PHC3: variants seen among roughly 807,000 people sequenced by gnomAD.
PHC3 encodes the protein polyhomeotic-like protein 3.
In PHC3, 13 loss-of-function variants were observed where a neutral mutation model predicts 107.4. The observed-to-expected ratio is 0.12, with a 90% CI of 0.08 to 0.19. The LOEUF (loss-of-function observed/expected upper bound fraction) is 0.19. PHC3 is among the 10% of genes least tolerant of loss of function. The pLI, the probability that PHC3 is intolerant of heterozygous loss-of-function variation, is 1.00. For missense variants in PHC3, 992 were observed against 1,210.9 expected (o/e 0.82, Z 2.68); for synonymous variants, 456 against 427.4 (o/e 1.07, Z -0.83).
intron 10 of PHC3, among the ~76,000 whole-genome samples, chr3:170,113,980 T>G (rs979707390): frequency 6.6e-6 from 1 of 152,160 alleles, no homozygotes; most frequent in African/African-American, 2.4e-5. Context: ...TCTCTCAAGT[T>G]CTTTGTGGAG....
At chr3:170,126,377 C>A (rs1721233302) in intron 8 of PHC3, among the ~76,000 whole-genome samples, 1 of 151,430 alleles carries the variant, frequency 6.6e-6, no homozygotes. Context: ...AGCATTATAA[C>A]CATATCAGTG....
intron 2 of PHC3, among the ~76,000 whole-genome samples, chr3:170,178,114 C>CG (rs1730789042): frequency 1.3e-5 from 2 of 152,074 alleles, no homozygotes; most frequent in Admixed American, 6.5e-5. Flanking sequence ...ATAAGGACTC[C>CG]GCCCACATGA....
rs1714502713 is a variant in PHC3, at chr3:170,095,217, T to C, written c.*2013A>G. On this transcript the variant is annotated 3_prime_UTR_variant, in exon 15 of 15. Coordinates refer to ENST00000495893, the MANE Select transcript of PHC3 (RefSeq NM_024947.4). Reference sequence around the variant, plus strand: ...TAATAAATGAAAACTCATTATAGAGTACCTAGCTTTCCTTGATACTTTAAT... The same window carrying C: ...TAATAAATGAAAACTCATTATAGAGCACCTAGCTTTCCTTGATACTTTAAT... The C allele has an allele frequency of 3.3e-5, 5 of 152,202 alleles. No individual in the cohort carries two copies. In the South Asian group the frequency reaches 8.3e-4, roughly 25 times the overall value. The allele number at this position is 152,202 out of a possible 1,614,324, so 9.4% of individuals were successfully genotyped here.
intron 6 of PHC3, among the ~76,000 whole-genome samples, chr3:170,140,161 T>C (rs938516517): frequency 1.3e-5 from 2 of 150,382 alleles, no homozygotes; most frequent in African/African-American, 4.9e-5. Context: ...GGTTGTTTTT[T>C]TCCTCAATTC....
At chr3:170,161,316 A>G (rs983775884) in intron 4 of PHC3, among the ~76,000 whole-genome samples, 2 of 152,200 alleles carry the variant, frequency 1.3e-5, no homozygotes, top group Non-Finnish European at 2.9e-5. Flanking sequence ...CAGTCTATGG[A>G]GGCTGCCATA....
rs201167716 is a variant in PHC3 at position 170,129,515 on chromosome 3, T to C, written c.957A>G (p.Lys319=). Residue 319 remains lysine, a synonymous_variant, in exon 8 of 15, where the codon AAA becomes AAG. Transcript: ENST00000495893. ...GTGAATGAAGAGGAATCTGCTGATGTTTTATTAGAGAATGAGGCTGAATTG... is the reference window on the plus strand; with the variant it reads ...GTGAATGAAGAGGAATCTGCTGATGCTTTATTAGAGAATGAGGCTGAATTG... The part of the protein sequence containing the change: ...YSPIQPHSLI[K]HQQIPLHSPP... The C allele has an allele frequency of 4.9e-5, 79 of 1,613,708 alleles. No individual in the cohort carries two copies. The East Asian group carries it at 9.8e-4, about 20-fold the overall frequency.
In PHC3 at chr3:170,167,817, TCTCA is replaced by T. The variant is rs539430629; in HGVS notation, c.414+3552_414+3555del. Among the ~76,000 whole-genome samples, 169 of 152,042 alleles carry T rather than the reference TCTCA, an allele frequency of 1.1e-3. 2 individuals are homozygous for T. The highest frequency in any genetic ancestry group is 1.8e-3 in the Non-Finnish European group (123 of 67,982). ...TTACCAACTGAGAACTTCTGTGAAT[TCTCA>T]CTGTTTATCTTACTAATATGAGTCT... On this transcript the variant is annotated intron_variant, in intron 4 of 14. Coordinates refer to ENST00000495893, the MANE Select transcript of PHC3 (RefSeq NM_024947.4).
chr3:170,118,678 T>C (rs1719538765), intron 9 of PHC3, among the ~76,000 whole-genome samples: 2 of 152,160 alleles, frequency 1.3e-5, no homozygotes, highest in South Asian at 4.1e-4. Context: ...GCCAAATTGC[T>C]GGTATTACAG....
Position 170,129,296 on chromosome 3 carries a change from A to G in PHC3, c.1176T>C (p.Ser392=), listed in dbSNP as rs747998596. The G allele has an allele frequency of 4.3e-6, 7 of 1,613,874 alleles. No individual in the cohort carries two copies. The highest frequency in any genetic ancestry group is 5.9e-6 in the Non-Finnish European group (7 of 1,179,892). The change falls in exon 8 of 15, where the codon TCT becomes TCC. Residue 392 remains serine, a synonymous_variant. Coordinates refer to ENST00000495893, the MANE Select transcript of PHC3 (RefSeq NM_024947.4). Reference sequence around the variant, plus strand: ...ACTGATTAGGAGACACTGTTAAAGGAGAGGGATGACTCTGAATCGGTGAAC... The same window carrying G: ...ACTGATTAGGAGACACTGTTAAAGGGGAGGGATGACTCTGAATCGGTGAAC... The part of the protein sequence containing the change: ...QHCSPIQSHP[S]PLTVSPNQSQ...
At chr3:170,105,445 TA>T (rs1716303690) in intron 12 of PHC3, among the ~76,000 whole-genome samples, 1 of 152,200 alleles carries the variant, frequency 6.6e-6, no homozygotes, top group African/African-American at 2.4e-5. Context: ...CTATACGAAA[TA>T]AAATATTCAA....
chr3:170,145,890 C>T (rs1417797395), intron 5 of PHC3, among the ~76,000 whole-genome samples: 1 of 151,906 alleles, frequency 6.6e-6, no homozygotes, highest in Non-Finnish European at 1.5e-5. Flanking sequence ...AAGTAAACAA[C>T]TAGTCACTAT....
At chr3:170,177,427 C>T (rs1237339560) in intron 2 of PHC3, among the ~76,000 whole-genome samples, 1 of 152,008 alleles carries the variant, frequency 6.6e-6, no homozygotes, top group African/African-American at 2.4e-5. Context: ...AGTGCAGTGG[C>T]GCTATCTTGG....
intron 3 of PHC3, 129 bp downstream of exon 3, chr3:170,172,428 A>AT: frequency 2.0e-6 from 2 of 981,618 alleles, no homozygotes; most frequent in Non-Finnish European, 1.5e-6. Flanking sequence ...ACCTATTAAT[A>AT]TATTTCCTCC....
At chr3:170,159,209 G>A (rs373574570) in intron 4 of PHC3, among the ~76,000 whole-genome samples, 8 of 134,376 alleles carry the variant, frequency 6.0e-5, no homozygotes, top group East Asian at 4.4e-4. Context: ...CCGAGATCAC[G>A]CCACTGCACT....
chr3:170,132,567 G>C (rs989974100), intron 7 of PHC3, among the ~76,000 whole-genome samples: 2 of 152,168 alleles, frequency 1.3e-5, no homozygotes, highest in Non-Finnish European at 2.9e-5. Context: ...GAGAGCTTCT[G>C]CTCCCTCCAC....
At chr3:170,099,898 C>T (rs147078869) in intron 14 of PHC3, among the ~76,000 whole-genome samples, 1,856 of 152,262 alleles carry the variant, frequency 0.012, 40 homozygotes, top group African/African-American at 0.042. Context: ...CTTCAATAAA[C>T]AGAGGACAAA....
intron 7 of PHC3, among the ~76,000 whole-genome samples, chr3:170,135,306 A>G (rs1185708396): frequency 6.6e-6 from 1 of 152,096 alleles, no homozygotes; most frequent in Non-Finnish European, 1.5e-5. Context: ...GTGCACCACC[A>G]TGCCCTGCTA....
intron 4 of PHC3, among the ~76,000 whole-genome samples, chr3:170,158,563 A>G (rs1727277424): frequency 6.6e-6 from 1 of 151,840 alleles, no homozygotes; most frequent in Non-Finnish European, 1.5e-5. Flanking sequence ...AGACCACACC[A>G]CTGCACTCAA....
At chr3:170,110,506 T>C (rs372213329) in intron 11 of PHC3, among the ~76,000 whole-genome samples, 18 of 152,222 alleles carry the variant, frequency 1.2e-4, no homozygotes, top group African/African-American at 4.1e-4. Context: ...ATCTCATTTT[T>C]ATAGGAAACC....
Sources: gnomAD v4.1 joint callset for allele counts (sites outside exome capture counted in the v4.1 genomes callset) on GRCh38, gnomAD v4.1.1 for gene constraint, MANE v1.5 for transcripts, NCBI Gene and HGNC (gene_info 2026-07-23, HGNC 2026-07-21) for gene names.